Variants in RASSF8 observed in about 807,000 individuals in gnomAD.
The protein encoded by RASSF8 is ras association domain-containing protein 8.
Under a neutral mutation model 48.5 loss-of-function variants are expected in RASSF8, and 22 were observed. The observed-to-expected ratio is 0.45, with a 90% CI of 0.32 to 0.65. RASSF8 has a LOEUF of 0.65. Ranked by LOEUF, RASSF8 falls within the 30% of genes least tolerant of loss-of-function variation. The probability of loss-of-function intolerance (pLI) is 0.03; values close to 1 mark genes in which losing one functional copy is unlikely to be tolerated. For missense variants in RASSF8, 418 were observed against 489.2 expected (o/e 0.85, Z 1.37); for synonymous variants, 127 against 171.5 (o/e 0.74, Z 2.03).
intron 2 of RASSF8, among the ~76,000 whole-genome samples, chr12:26,018,408 A>G (rs952572969): frequency 5.3e-5 from 8 of 152,170 alleles, no homozygotes; most frequent in Admixed American, 5.2e-4. Context: ...ATTTTCTAAC[A>G]TGTCACTTTA....
intron 2 of RASSF8, among the ~76,000 whole-genome samples, chr12:26,026,204 A>G (rs1942909175): frequency 6.6e-6 from 1 of 152,214 alleles, no homozygotes; most frequent in South Asian, 2.1e-4. Context: ...CTTTAATGGG[A>G]AAATATTTGC....
At chr12:26,008,255 A>G (rs1942438445) in intron 2 of RASSF8, among the ~76,000 whole-genome samples, 2 of 151,946 alleles carry the variant, frequency 1.3e-5, no homozygotes, top group African/African-American at 4.8e-5. Context: ...TGGGCAACAC[A>G]GCGAGACTCC....
At chr12:26,003,728 A>G (rs954984913) in intron 2 of RASSF8, among the ~76,000 whole-genome samples, 10 of 152,330 alleles carry the variant, frequency 6.6e-5, no homozygotes, top group African/African-American at 2.4e-4. Flanking sequence ...TTTAAAACAC[A>G]GATTATGTAA....
chr12:26,009,847 A>G (rs1305204417), intron 2 of RASSF8, among the ~76,000 whole-genome samples: 2 of 152,232 alleles, frequency 1.3e-5, no homozygotes, highest in Non-Finnish European at 2.9e-5. Flanking sequence ...GAGAATGGAA[A>G]GTGAGAAAAT....
chr12:25,981,039 G>A (rs1941730142), intron 1 of RASSF8, among the ~76,000 whole-genome samples: 1 of 152,146 alleles, frequency 6.6e-6, no homozygotes. Context: ...TTAAAAGAGG[G>A]AAGTGTATGA....
intron 1 of RASSF8, among the ~76,000 whole-genome samples, chr12:25,985,983 CAT>C (rs745318228): frequency 6.6e-6 from 1 of 152,206 alleles, no homozygotes; most frequent in Non-Finnish European, 1.5e-5. Context: ...AATGAATTAA[CAT>C]ACATAAAGTA....
At chr12:26,039,687 T>C (rs1440221217) in intron 2 of RASSF8, among the ~76,000 whole-genome samples, 2 of 152,206 alleles carry the variant, frequency 1.3e-5, no homozygotes, top group African/African-American at 2.4e-5. Flanking sequence ...TCGTCTTCCA[T>C]TGATTTTTCT....
chr12:26,068,585 T>C, intron 5 of RASSF8, 112 bp from the exon 6 acceptor site: 1 of 823,250 alleles, frequency 1.2e-6, no homozygotes. Flanking sequence ...GGATTGCAAT[T>C]ATTGCTCTAT....
intron 3 of RASSF8, among the ~76,000 whole-genome samples, chr12:26,059,283 G>T (rs1454195124): frequency 6.6e-6 from 1 of 152,194 alleles, no homozygotes; most frequent in Non-Finnish European, 1.5e-5. Flanking sequence ...TGAGGAAAAG[G>T]ATTTCTGATC....
chr12:25,972,326 A>T (rs966265995), intron 1 of RASSF8, among the ~76,000 whole-genome samples: 3 of 152,124 alleles, frequency 2.0e-5, no homozygotes, highest in Non-Finnish European at 4.4e-5. Flanking sequence ...ATTATCAACC[A>T]TTGAGGATAC....
chr12:26,072,743 A>G lies in RASSF8; in HGVS notation c.*3925A>G, dbSNP rs1944025204. On this transcript the variant is annotated 3_prime_UTR_variant, in exon 6 of 6. Transcript: ENST00000689635. ...TACAAATAAATCTGTAATATGTATTATATGTAATTATCCTTTTCTTTGACT... is the reference window on the plus strand; with the variant it reads ...TACAAATAAATCTGTAATATGTATTGTATGTAATTATCCTTTTCTTTGACT... The G allele has an allele frequency of 1.1e-6, 1 of 948,436 alleles. No homozygotes were observed. 58.8% of individuals were successfully genotyped at this position (948,436 alleles called of 1,614,324 possible).
intron 1 of RASSF8, among the ~76,000 whole-genome samples, chr12:25,979,537 T>C (rs1941688530): frequency 6.6e-6 from 1 of 152,204 alleles, no homozygotes. Flanking sequence ...TGTGATGTGC[T>C]AGGTCCCAAG....
chr12:26,030,962 G>A (rs562650337), intron 2 of RASSF8, among the ~76,000 whole-genome samples: 169 of 152,186 alleles, frequency 1.1e-3, no homozygotes, highest in Admixed American at 1.7e-3. Flanking sequence ...ACCAGGTAGC[G>A]GGCCATAACT....
chr12:26,061,812 C>A (rs190879374), intron 3 of RASSF8, among the ~76,000 whole-genome samples: 4 of 152,144 alleles, frequency 2.6e-5, no homozygotes, highest in East Asian at 3.9e-4. Context: ...AAAATCAAAT[C>A]TATTAATTCA....
In RASSF8 at chr12:26,069,173, T is replaced by C. The variant is rs141650587; in HGVS notation, c.*355T>C. ...GAAATTTGTGACTGGCTTAGTTTAA[T>C]TTATTTCATGTAATCAATGTGTGAA... On this transcript the variant is annotated 3_prime_UTR_variant, in exon 6 of 6. Transcript: ENST00000689635. 72 of 990,506 alleles carry C rather than the reference T, an allele frequency of 7.3e-5. 1 individual carries two copies. The East Asian group carries it at 4.3e-3, about 59-fold the overall frequency. 61.4% of individuals were successfully genotyped at this position (990,506 alleles called of 1,614,324 possible). A position where few individuals can be genotyped will look rare whatever the true frequency, so the allele number is the denominator to read the frequency against.
intron 4 of RASSF8, among the ~76,000 whole-genome samples, 155 bp downstream of exon 4, chr12:26,065,542 C>T (rs1256142608): frequency 6.6e-6 from 1 of 152,188 alleles, no homozygotes; most frequent in Non-Finnish European, 1.5e-5. Context: ...CTTACGACAG[C>T]TTAGATGGGA....
intron 2 of RASSF8, among the ~76,000 whole-genome samples, chr12:26,054,767 G>A (rs1197538987): frequency 2.6e-5 from 4 of 152,210 alleles, no homozygotes; most frequent in African/African-American, 4.8e-5. Context: ...AATCAGGAAT[G>A]TGAGCTGAGT....
chr12:26,055,075 A>C (rs563230574), intron 2 of RASSF8, among the ~76,000 whole-genome samples, 161 bp from the exon 3 acceptor site: 1 of 152,214 alleles, frequency 6.6e-6, no homozygotes, highest in South Asian at 2.1e-4. Context: ...ATGATAGGTG[A>C]CTGTAGTTGC....
intron 1 of RASSF8, among the ~76,000 whole-genome samples, chr12:25,972,458 T>C (rs1311812384): frequency 6.6e-6 from 1 of 152,182 alleles, no homozygotes; most frequent in African/African-American, 2.4e-5. Context: ...GCAGTATTTA[T>C]AGTAATAAAC....
Sources: gnomAD v4.1 joint callset for allele counts (sites outside exome capture counted in the v4.1 genomes callset) on GRCh38, gnomAD v4.1.1 for gene constraint, MANE v1.5 for transcripts, NCBI Gene and HGNC (gene_info 2026-07-23, HGNC 2026-07-21) for gene names.